Variants in RAPH1 observed in about 807,000 individuals in gnomAD.
RAPH1 encodes Ras association (RalGDS/AF-6) and pleckstrin homology domains 1, also known as ras-associated and pleckstrin homology domains-containing protein 1.
A neutral mutation model predicts 88.1 loss-of-function variants in RAPH1; 18 were observed. The ratio of observed to expected loss-of-function variants is 0.20; its 90% confidence interval spans 0.14 to 0.30. The LOEUF (loss-of-function observed/expected upper bound fraction) is 0.30. Ranked by LOEUF, RAPH1 falls within the 10% of genes least tolerant of loss-of-function variation. The pLI, the probability that RAPH1 is intolerant of heterozygous loss-of-function variation, is 1.00. For synonymous variants in RAPH1, 587 were observed against 559.0 expected (o/e 1.05, Z -0.71); for missense variants, 1,448 against 1,543.2 (o/e 0.94, Z 1.03).
At chr2:203,533,200 C>T (rs570504934) in intron 1 of RAPH1, among the ~76,000 whole-genome samples, 44 of 152,278 alleles carry the variant, frequency 2.9e-4, no homozygotes, top group African/African-American at 9.4e-4. Flanking sequence ...TTAGTGAGAC[C>T]TCTGAGTCTG....
intron 1 of RAPH1, among the ~76,000 whole-genome samples, chr2:203,512,920 G>A (rs532328395): frequency 3.9e-5 from 6 of 152,100 alleles, no homozygotes; most frequent in African/African-American, 9.6e-5. Flanking sequence ...CACCGCGCCC[G>A]GCCATCCCTT....
intron 1 of RAPH1, among the ~76,000 whole-genome samples, chr2:203,506,842 A>ATCTATC (rs1174789704): frequency 2.1e-5 from 1 of 48,602 alleles, no homozygotes; most frequent in Non-Finnish European, 4.4e-5. Context: ...CTATATCTAT[A>ATCTATC]TATCTATCTA....
intron 1 of RAPH1, among the ~76,000 whole-genome samples, chr2:203,529,724 A>G (rs546620382): frequency 2.6e-5 from 4 of 152,292 alleles, no homozygotes; most frequent in African/African-American, 9.6e-5. Context: ...GGCCTACTGA[A>G]TATGTTTACA....
chr2:203,475,489 C>T (rs1396650212), intron 4 of RAPH1, among the ~76,000 whole-genome samples: 1 of 152,046 alleles, frequency 6.6e-6, no homozygotes, highest in Non-Finnish European at 1.5e-5. Flanking sequence ...TTATTACTAC[C>T]ATCTCATCCC....
At chr2:203,527,753 T>C (rs1416388231) in intron 1 of RAPH1, among the ~76,000 whole-genome samples, 3 of 146,538 alleles carry the variant, frequency 2.0e-5, no homozygotes, top group African/African-American at 5.2e-5. Flanking sequence ...TGAGCCAAGA[T>C]TGAGCCATTG....
intron 13 of RAPH1, chr2:203,444,329 G>T (rs1025900371): frequency 1.3e-5 from 2 of 151,836 alleles, no homozygotes; most frequent in African/African-American, 2.4e-5. Context: ...CTACTCGGGA[G>T]GCTGAGGCAG....
At chr2:203,506,846 C>CTATATATATATATCTATATATATA (rs1277788456) in intron 1 of RAPH1, among the ~76,000 whole-genome samples, 1 of 66,482 alleles carries the variant, frequency 1.5e-5, no homozygotes, top group African/African-American at 1.1e-4. Context: ...ATCTATATAT[C>CTATATATATATATCTATATATATA]TATCTATATC....
intron 10 of RAPH1, among the ~76,000 whole-genome samples, chr2:203,451,200 A>G (rs899925847): frequency 3.3e-5 from 5 of 152,222 alleles, no homozygotes. Flanking sequence ...TTATTTTATT[A>G]AAAGTGGCAT....
At chr2:203,487,934 A>G (rs549954736) in intron 4 of RAPH1, among the ~76,000 whole-genome samples, 1 of 152,200 alleles carries the variant, frequency 6.6e-6, no homozygotes, top group African/African-American at 2.4e-5. Context: ...TAAGTTACGA[A>G]AAAAAAATCA....
chr2:203,529,004 TA>T (rs1292729947), intron 1 of RAPH1, among the ~76,000 whole-genome samples: 4,666 of 69,722 alleles, frequency 0.067, 250 homozygotes, highest in Non-Finnish European at 0.092. Flanking sequence ...TATATATATA[TA>T]TTTTTTTTTT....
At chr2:203,516,801 A>AG (rs1372070304) in intron 1 of RAPH1, among the ~76,000 whole-genome samples, 2 of 152,126 alleles carry the variant, frequency 1.3e-5, no homozygotes, top group African/African-American at 4.8e-5. Context: ...TGGGAGGCCA[A>AG]GGCAGGCGGA....
Position 203,489,653 on chromosome 2 carries a change from A to G in RAPH1, c.663T>C (p.Ser221=). 6.2e-7 allele frequency: 1 copy of G among 1,613,864 alleles called. No individual in the cohort carries two copies. The highest frequency in any genetic ancestry group is 8.5e-7 in the Non-Finnish European group (1 of 1,179,844). ...SITSAASSMD[S]LDIDKVTRPQ... ...GGCGTGTTACTTTATCAATATCCAA[A>G]GAGTCCATGCTGGAGGCTGCGGAAG... Residue 221 remains serine, a synonymous_variant, in exon 4 of 14, where the codon TCT becomes TCC. Transcript: ENST00000319170.
intron 1 of RAPH1, among the ~76,000 whole-genome samples, chr2:203,522,559 G>A (rs1271595994): frequency 6.6e-6 from 1 of 152,096 alleles, no homozygotes; most frequent in Non-Finnish European, 1.5e-5. Flanking sequence ...ACTGACAAGA[G>A]TATTCTAAAA....
In RAPH1 at chr2:203,439,800, G is replaced by A. The variant is rs752431365; in HGVS notation, c.3390C>T (p.Ser1130=). 2.5e-6 allele frequency: 4 copies of A among 1,613,980 alleles called. No individual in the cohort carries two copies. The highest frequency in any genetic ancestry group is 1.1e-5 in the South Asian group (1 of 91,082). ...PPPTRPKRND[S]TRLTQAEISE... is the part of the protein sequence containing the mutation. ...AAATCTCAGCTTGAGTGAGGCGGGTGCTATCATTCCGTTTGGGTCGTGTGG... is the reference window on the plus strand; with the variant it reads ...AAATCTCAGCTTGAGTGAGGCGGGTACTATCATTCCGTTTGGGTCGTGTGG... Residue 1130 remains serine (S), a synonymous_variant, in exon 14 of 14, where the codon AGC becomes AGT. Transcript: ENST00000319170.
chr2:203,521,581 G>A (rs563254757), intron 1 of RAPH1, among the ~76,000 whole-genome samples: 2 of 152,072 alleles, frequency 1.3e-5, no homozygotes, highest in Admixed American at 6.6e-5. Flanking sequence ...TACTGGTGGT[G>A]AATATGTAGA....
At chr2:203,529,129 A>G (rs1299378914) in intron 1 of RAPH1, among the ~76,000 whole-genome samples, 1 of 148,864 alleles carries the variant, frequency 6.7e-6, no homozygotes, top group East Asian at 2.0e-4. Flanking sequence ...ACAGGCACAC[A>G]TCACCATGCC....
chr2:203,442,059 G>C (rs755495741), intron 13 of RAPH1: 1 of 1,595,904 alleles, frequency 6.3e-7, no homozygotes, highest in South Asian at 1.2e-5. Context: ...GTAAAGGGGG[G>C]ACATTCTTTA....
Position 203,455,433 on chromosome 2 carries a change from A to C in RAPH1, c.1302+4T>G. On this transcript the variant is annotated splice_donor_region_variant and intron_variant, in intron 9 of 13. Transcript: ENST00000319170. The stretch of plus-strand genomic sequence containing the variant: ...AAGTTCAAATTCCAACAGAAGGGAC[A>C]CACCTTTGCTTTTCCTTTGGGAACA... 1 of 1,611,798 alleles carries C rather than the reference A, an allele frequency of 6.2e-7. No homozygotes were observed. Among genetic ancestry groups the C allele is most frequent in the African/African-American group, 1.3e-5 (1 of 74,968 alleles).
chr2:203,532,599 T>C (rs560750752), intron 1 of RAPH1, among the ~76,000 whole-genome samples: 14 of 152,304 alleles, frequency 9.2e-5, no homozygotes, highest in African/African-American at 2.9e-4. Context: ...CTCTATTTCA[T>C]AGGGTTATGG....
Sources: allele counts gnomAD v4.1 joint callset (sites outside exome capture counted in the v4.1 genomes callset), GRCh38; gene constraint gnomAD v4.1.1; transcripts MANE v1.5; gene names NCBI Gene and HGNC (gene_info 2026-07-23, HGNC 2026-07-21).